Variants in GPC6 observed in about 807,000 individuals in gnomAD.
GPC6 encodes the protein glypican-6.
In GPC6, 14 loss-of-function variants were observed where a neutral mutation model predicts 55.2. The ratio of observed to expected loss-of-function variants is 0.25; its 90% CI spans 0.17 to 0.40. The LOEUF (loss-of-function observed/expected upper bound fraction) is 0.40, where lower values mean the gene tolerates loss of function less well. Ranked by LOEUF, GPC6 falls within the 10% of genes least tolerant of loss-of-function variation. GPC6 has a pLI of 1.00. For synonymous variants in GPC6, 278 were observed against 259.6 expected (o/e 1.07, Z -0.68); for missense variants, 641 against 708.5 (o/e 0.90, Z 1.08).
intron 4 of GPC6, among the ~76,000 whole-genome samples, chr13:94,205,960 G>T (rs1042640397): frequency 6.6e-6 from 1 of 152,138 alleles, no homozygotes; most frequent in Non-Finnish European, 1.5e-5. Flanking sequence ...TGTGTGTAGG[G>T]TGCTGCTGGC....
chr13:93,453,643 T>G (rs1878314193), intron 1 of GPC6, among the ~76,000 whole-genome samples: 1 of 151,488 alleles, frequency 6.6e-6, no homozygotes, highest in African/African-American at 2.4e-5. Context: ...GGGTTCGCGG[T>G]CTCACTGGCT....
chr13:93,600,786 CTAAAAATACAAAAAT>C (rs1026987392), intron 2 of GPC6, among the ~76,000 whole-genome samples: 2 of 151,038 alleles, frequency 1.3e-5, no homozygotes, highest in Non-Finnish European at 3.0e-5. Context: ...CCTGTAGCTA[CTAAAAATACAAAAAT>C]TAGCCAGGTG....
At chr13:93,387,866 A>G (rs963994463) in intron 1 of GPC6, among the ~76,000 whole-genome samples, 1 of 152,142 alleles carries the variant, frequency 6.6e-6, no homozygotes, top group African/African-American at 2.4e-5. Flanking sequence ...AGCTTGAAGA[A>G]TGTTTGCCTT....
chr13:93,283,530 C>A (rs755047725), intron 1 of GPC6, among the ~76,000 whole-genome samples: 2 of 152,094 alleles, frequency 1.3e-5, no homozygotes, highest in Admixed American at 6.5e-5. Flanking sequence ...AATGGTCTCA[C>A]CCAAACACAG....
At chr13:93,860,397 C>T (rs763903715) in intron 3 of GPC6, among the ~76,000 whole-genome samples, 17 of 151,486 alleles carry the variant, frequency 1.1e-4, no homozygotes, top group Admixed American at 5.9e-4. Flanking sequence ...TTCTTTATTT[C>T]CACTCTCTTG....
chr13:94,132,142 G>A (rs541714378), intron 4 of GPC6, among the ~76,000 whole-genome samples: 136 of 152,146 alleles, frequency 8.9e-4, no homozygotes, highest in Middle Eastern at 3.2e-3. Flanking sequence ...CACGTAGGGT[G>A]TTAAAGAGCG....
chr13:93,264,768 T>G (rs1877267697), intron 1 of GPC6, among the ~76,000 whole-genome samples: 3 of 152,096 alleles, frequency 2.0e-5, no homozygotes, highest in African/African-American at 7.2e-5. Flanking sequence ...ATATAAATAG[T>G]TGTTATATTA....
intron 4 of GPC6, among the ~76,000 whole-genome samples, chr13:94,210,358 T>C (rs2138987837): frequency 6.6e-6 from 1 of 151,986 alleles, no homozygotes; most frequent in East Asian, 1.9e-4. Context: ...GGTTTCACTA[T>C]GTTAGCCAGG....
chr13:93,787,948 G>A (rs1885866877), intron 2 of GPC6, among the ~76,000 whole-genome samples: 1 of 152,088 alleles, frequency 6.6e-6, no homozygotes. Context: ...GAAGTGAAAT[G>A]GATATGTAGA....
chr13:93,322,955 T>A (rs1179674099), intron 1 of GPC6, among the ~76,000 whole-genome samples: 2 of 151,352 alleles, frequency 1.3e-5, no homozygotes, highest in African/African-American at 4.9e-5. Flanking sequence ...CCACACCCCC[T>A]TAGTCTTAGG....
intron 1 of GPC6, among the ~76,000 whole-genome samples, chr13:93,410,626 C>A (rs555076532): frequency 6.6e-6 from 1 of 152,094 alleles, no homozygotes; most frequent in South Asian, 2.1e-4. Context: ...TTTTTCGTTT[C>A]TAAGACTACT....
intron 2 of GPC6, among the ~76,000 whole-genome samples, chr13:93,648,980 A>G (rs1459911330): frequency 1.3e-5 from 2 of 152,096 alleles, no homozygotes; most frequent in East Asian, 1.9e-4. Context: ...TAGCATTTTT[A>G]TTTTTCATTT....
intron 2 of GPC6, among the ~76,000 whole-genome samples, chr13:93,736,055 T>C (rs950969067): frequency 3.3e-5 from 5 of 152,194 alleles, no homozygotes; most frequent in African/African-American, 7.2e-5. Flanking sequence ...AAGAGGGTGC[T>C]GTGCTCTTGG....
rs139806241 is a variant in GPC6 at position 93,510,434 on chromosome 13, C to T, written c.161-34829C>T. ...CATGCAATATTTGTCTTTTTTGTGC[C>T]TGGCTTATTCACTTAAGTTAATGAC... On this transcript the variant is annotated intron_variant, in intron 1 of 8. Transcript: ENST00000377047. Among the ~76,000 whole-genome samples, 385 of 152,090 alleles carry T rather than the reference C, an allele frequency of 2.5e-3. 1 individual carries two copies. The highest frequency in any genetic ancestry group is 9.0e-3 in the African/African-American group (372 of 41,518).
intron 1 of GPC6, among the ~76,000 whole-genome samples, chr13:93,510,041 G>GT (rs1435150063): frequency 1.3e-5 from 2 of 151,972 alleles, no homozygotes; most frequent in Non-Finnish European, 2.9e-5. Context: ...TCTTCTGAAT[G>GT]TTTTTTTCTC....
chr13:93,721,863 G>C (rs1890436), intron 2 of GPC6, among the ~76,000 whole-genome samples: 1 of 151,600 alleles, frequency 6.6e-6, no homozygotes, highest in Non-Finnish European at 1.5e-5. Context: ...CTACTTATGC[G>C]ATTTTTGTGG....
chr13:93,759,952 A>G (rs1449087006), intron 2 of GPC6, among the ~76,000 whole-genome samples: 4 of 151,760 alleles, frequency 2.6e-5, no homozygotes, highest in African/African-American at 9.7e-5. Flanking sequence ...GCAGTGTGGT[A>G]GATACCCTGT....
chr13:93,341,725 A>T (rs1880261979), intron 1 of GPC6, among the ~76,000 whole-genome samples: 2 of 149,620 alleles, frequency 1.3e-5, no homozygotes, highest in South Asian at 4.2e-4. Context: ...TTTGCTGAGC[A>T]GACGCTTTTT....
At chr13:93,774,417 A>T (rs911607550) in intron 2 of GPC6, among the ~76,000 whole-genome samples, 1 of 152,198 alleles carries the variant, frequency 6.6e-6, no homozygotes, top group African/African-American at 2.4e-5. Flanking sequence ...AAAGTATCTT[A>T]TATTTTTAAC....
Sources: allele counts gnomAD v4.1 joint callset (sites outside exome capture counted in the v4.1 genomes callset), GRCh38; gene constraint gnomAD v4.1.1; transcripts MANE v1.5; gene names NCBI Gene and HGNC (gene_info 2026-07-23, HGNC 2026-07-21).